The following TRPC4 variants were observed in gnomAD, a reference collection of about 807,000 sequenced individuals.
The protein encoded by TRPC4 is transient receptor potential cation channel subfamily C member 4.
Under a neutral mutation model 99.4 loss-of-function variants are expected in TRPC4, and 49 were observed. That is an observed-to-expected ratio of 0.49 (90% confidence interval 0.39 to 0.63). The LOEUF (loss-of-function observed/expected upper bound fraction) is 0.63, where lower values mean the gene tolerates loss of function less well. TRPC4 is among the 20% of genes least tolerant of loss of function. The pLI is 0.00. For missense variants in TRPC4, 898 were observed against 1,152.9 expected, an observed-to-expected ratio of 0.78 and a Z score of 3.20; for synonymous variants, 454 against 425.9, an observed-to-expected ratio of 1.07 and a Z score of -0.81.
In TRPC4 at chr13:37,639,120, T is replaced by C. The variant is rs1951632211; in HGVS notation, c.2131A>G (p.Arg711Gly). 6.2e-7 allele frequency: 1 copy of C among 1,613,590 alleles called. No homozygotes were observed. Among genetic ancestry groups the C allele is most frequent in the Non-Finnish European group, 8.5e-7 (1 of 1,179,656 alleles). Residue 711 changes from arginine to glycine, a missense_variant, in exon 10 of 11, where the codon AGG becomes GGG. Arg to Gly is a moderately radical substitution (Grantham distance 125, BLOSUM62 -2). Coordinates refer to ENST00000379705, the MANE Select transcript of TRPC4 (RefSeq NM_016179.4). ...GCAACGTATCGCTTCACCAGGTTCC[T>C]CATAACTTCCTGAGGCATTTTAGAA... ...RRHHQYQEVM[R>G]NLVKRYVAAM...
intron 2 of TRPC4, among the ~76,000 whole-genome samples, chr13:37,759,226 G>A (rs1446374690): frequency 6.6e-6 from 1 of 151,676 alleles, no homozygotes; most frequent in Non-Finnish European, 1.5e-5. Flanking sequence ...TTCTACCCAA[G>A]CAAAGTTAGG....
At chr13:37,819,816 T>G (rs1268532840) in intron 1 of TRPC4, among the ~76,000 whole-genome samples, 1 of 150,324 alleles carries the variant, frequency 6.7e-6, no homozygotes, top group Admixed American at 6.7e-5. Context: ...ACCTCTGAAC[T>G]TAAAATGAAA....
intron 5 of TRPC4, among the ~76,000 whole-genome samples, chr13:37,667,218 T>A (rs1662560216): frequency 6.6e-6 from 1 of 152,288 alleles, no homozygotes; most frequent in African/African-American, 2.4e-5. Flanking sequence ...TTTAAAATAG[T>A]ACCTCTTATT....
In TRPC4 at chr13:37,746,042, T is replaced by G; in HGVS notation, c.792A>C (p.Glu264Asp). The change falls in exon 3 of 11, where the codon GAA (glutamate) becomes GAC (aspartate). Residue 264 changes from glutamate to aspartate, a missense_variant. Glu to Asp is a conservative substitution (Grantham distance 45). Transcript: ENST00000379705. ...CTCGGTAATTAAGAATGATTTCCAG[T>G]TCTCTGGAACTTCTCGTCTGATCCA... ...DLLDQTRSSR[E>D]LEIILNYRDD... The G allele has an allele frequency of 6.2e-7, 1 of 1,613,904 alleles. No individual in the cohort carries two copies. Among genetic ancestry groups the G allele is most frequent in the Non-Finnish European group, 8.5e-7 (1 of 1,179,850 alleles).
chr13:37,665,631 C>T (rs1447060058), intron 5 of TRPC4, among the ~76,000 whole-genome samples: 2 of 152,036 alleles, frequency 1.3e-5, no homozygotes, highest in Non-Finnish European at 2.9e-5. Flanking sequence ...TTAATTCTGT[C>T]TGGGGCTTCT....
At chr13:37,637,768 C>A in intron 10 of TRPC4, 143 bp from the exon 11 acceptor site, 2 of 812,068 alleles carry the variant, frequency 2.5e-6, no homozygotes, top group South Asian at 4.3e-5. Flanking sequence ...ATTTAGAATT[C>A]CCAGTTCTCT....
chr13:37,769,113 C>T (rs773979233), intron 2 of TRPC4, among the ~76,000 whole-genome samples: 3 of 151,230 alleles, frequency 2.0e-5, no homozygotes, highest in Non-Finnish European at 3.0e-5. Flanking sequence ...TTAACGAAAC[C>T]TCTGCTAGTG....
chr13:37,693,440 G>A (rs928277087), intron 3 of TRPC4, among the ~76,000 whole-genome samples: 1 of 152,138 alleles, frequency 6.6e-6, no homozygotes, highest in Non-Finnish European at 1.5e-5. Flanking sequence ...ACTTGGAGAA[G>A]TTCTGTTGAC....
intron 1 of TRPC4, among the ~76,000 whole-genome samples, chr13:37,844,631 C>T (rs1291638932): frequency 6.6e-6 from 1 of 152,088 alleles, no homozygotes; most frequent in Non-Finnish European, 1.5e-5. Flanking sequence ...CCCTAGCCAG[C>T]TTTTCCACCC....
intron 1 of TRPC4, among the ~76,000 whole-genome samples, chr13:37,837,120 C>A (rs995576488): frequency 2.6e-5 from 4 of 152,224 alleles, no homozygotes; most frequent in Non-Finnish European, 5.9e-5. Context: ...AAATCTCCAC[C>A]TAGATTTCAG....
At chr13:37,748,623 G>A (rs753143984) in intron 2 of TRPC4, among the ~76,000 whole-genome samples, 1 of 149,228 alleles carries the variant, frequency 6.7e-6, no homozygotes, top group Non-Finnish European at 1.5e-5. Context: ...ATGGTCAATT[G>A]ATTGGTCAGT....
intron 3 of TRPC4, among the ~76,000 whole-genome samples, chr13:37,716,284 A>G (rs1281132739): frequency 6.6e-6 from 1 of 152,204 alleles, no homozygotes; most frequent in African/African-American, 2.4e-5. Context: ...AATATACGGG[A>G]ATTACAAGTA....
At chr13:37,862,004 A>C (rs1959375237) in intron 1 of TRPC4, among the ~76,000 whole-genome samples, 1 of 151,326 alleles carries the variant, frequency 6.6e-6, no homozygotes, top group Non-Finnish European at 1.5e-5. Context: ...TCCCTTCTTC[A>C]TTTTCAAGAT....
At chr13:37,775,007 A>T (rs1165223937) in intron 2 of TRPC4, among the ~76,000 whole-genome samples, 4 of 145,874 alleles carry the variant, frequency 2.7e-5, no homozygotes, top group African/African-American at 1.0e-4. Context: ...TCACTGAAAC[A>T]TAATGCTATT....
intron 8 of TRPC4, among the ~76,000 whole-genome samples, chr13:37,641,625 T>C (rs1408678014): frequency 6.6e-6 from 1 of 152,150 alleles, no homozygotes; most frequent in Non-Finnish European, 1.5e-5. Context: ...CATGACAGAA[T>C]AGGCTGTTTA....
At chr13:37,839,084 TATATGCTCCATCAATATTG>T (rs1958655973) in intron 1 of TRPC4, among the ~76,000 whole-genome samples, 1 of 152,202 alleles carries the variant, frequency 6.6e-6, no homozygotes, top group African/African-American at 2.4e-5. Context: ...GACTACATAG[TATATGCTCCATCAATATTG>T]ACAAGTAGTA....
intron 1 of TRPC4, among the ~76,000 whole-genome samples, chr13:37,789,279 C>G (rs916985221): frequency 2.0e-5 from 3 of 152,152 alleles, no homozygotes; most frequent in Non-Finnish European, 4.4e-5. Context: ...TTATACTGCT[C>G]TTTACAGTCT....
chr13:37,832,614 C>T (rs1958453914), intron 1 of TRPC4, among the ~76,000 whole-genome samples: 1 of 151,918 alleles, frequency 6.6e-6, no homozygotes, highest in Admixed American at 6.6e-5. Flanking sequence ...ACACATGAAA[C>T]AAATAGGAAT....
chr13:37,705,164 G>T lies in TRPC4; in HGVS notation c.898-12829C>A, dbSNP rs144331107. Among the ~76,000 whole-genome samples the T allele has an allele frequency of 4.8e-3, 737 of 152,236 alleles. 6 individuals are homozygous for T. The highest frequency in any genetic ancestry group is 0.017 in the African/African-American group (710 of 41,540). ...CATTGGAGACAACATGGATGAAACG[G>T]AAGGGCATTATGTTAAGTGAAATAA... On this transcript the variant is annotated intron_variant, in intron 3 of 10. Coordinates refer to ENST00000379705, the MANE Select transcript of TRPC4 (RefSeq NM_016179.4).
Sources: gnomAD v4.1 joint callset for allele counts (sites outside exome capture counted in the v4.1 genomes callset) on GRCh38, gnomAD v4.1.1 for gene constraint, MANE v1.5 for transcripts, NCBI Gene and HGNC (gene_info 2026-07-23, HGNC 2026-07-21) for gene names.